The following HELZ variants were observed in gnomAD, a reference collection of about 807,000 sequenced individuals.
The protein encoded by HELZ is helicase with zinc finger.
In HELZ, 23 loss-of-function variants were observed where a neutral mutation model predicts 218.2. That is an observed-to-expected ratio of 0.11 (90% CI 0.08 to 0.15). The LOEUF is 0.15. Ranked by LOEUF, HELZ falls within the 10% of genes least tolerant of loss-of-function variation. HELZ has a pLI of 1.00. For missense variants in HELZ, 1,813 were observed against 2,353.7 expected (o/e 0.77, Z 4.75); for synonymous variants, 814 against 829.4 (o/e 0.98, Z 0.32).
At chr17:67,196,527 T>C (rs1160610785) in intron 7 of HELZ, among the ~76,000 whole-genome samples, 1 of 152,050 alleles carries the variant, frequency 6.6e-6, no homozygotes, top group Non-Finnish European at 1.5e-5. Context: ...CAGTAAATGT[T>C]GGATGAGTGG....
intron 6 of HELZ, among the ~76,000 whole-genome samples, chr17:67,202,825 A>G (rs1352901878): frequency 6.6e-6 from 1 of 152,190 alleles, no homozygotes; most frequent in Non-Finnish European, 1.5e-5. Context: ...TAATAATTAA[A>G]TATCATTTTG....
intron 3 of HELZ, among the ~76,000 whole-genome samples, chr17:67,227,696 G>A (rs963633366): frequency 6.6e-6 from 1 of 152,086 alleles, no homozygotes; most frequent in Admixed American, 6.6e-5. Flanking sequence ...ATAGCTAGAT[G>A]GTTGGTCCAG....
intron 3 of HELZ, among the ~76,000 whole-genome samples, chr17:67,220,644 C>T (rs889113217): frequency 6.6e-6 from 1 of 151,896 alleles, no homozygotes; most frequent in Non-Finnish European, 1.5e-5. Flanking sequence ...CACCATGTCC[C>T]GCTAAATCGT....
chr17:67,190,040 A>AT, intron 10 of HELZ, 117 bp downstream of exon 10: 1 of 802,778 alleles, frequency 1.2e-6, no homozygotes, highest in East Asian at 2.5e-5. Flanking sequence ...ATTCTATCAG[A>AT]ATCAAGTTCT....
At chr17:67,151,361 T>C in intron 17 of HELZ, 137 bp from the exon 18 acceptor site, 1 of 678,976 alleles carries the variant, frequency 1.5e-6, no homozygotes, top group Non-Finnish European at 2.4e-6. Context: ...GTTAGCACTC[T>C]ATTGAATTAG....
At chr17:67,185,286 G>A (rs1017877025) in intron 12 of HELZ, among the ~76,000 whole-genome samples, 9 of 152,086 alleles carry the variant, frequency 5.9e-5, no homozygotes, top group African/African-American at 2.2e-4. Context: ...ATTTTCTGCT[G>A]ACATGGACTC....
intron 28 of HELZ, among the ~76,000 whole-genome samples, chr17:67,110,911 GA>G (rs746387057): frequency 5.3e-4 from 80 of 152,330 alleles, no homozygotes; most frequent in South Asian, 2.7e-3. Flanking sequence ...GGTACTGTAA[GA>G]GGATGCAACT....
intron 32 of HELZ, among the ~76,000 whole-genome samples, chr17:67,085,873 G>GA (rs1264930700): frequency 3.3e-5 from 5 of 152,162 alleles, no homozygotes; most frequent in Non-Finnish European, 7.3e-5. Context: ...GGCTAAAGAG[G>GA]AAGACTCTAG....
intron 5 of HELZ, among the ~76,000 whole-genome samples, chr17:67,206,970 T>C (rs1189335379): frequency 6.6e-6 from 1 of 151,446 alleles, no homozygotes; most frequent in Non-Finnish European, 1.5e-5. Context: ...TGGAGTGCAG[T>C]GGTATGATAT....
At chr17:67,175,252 C>G (rs2039422538) in intron 13 of HELZ, among the ~76,000 whole-genome samples, 1 of 152,144 alleles carries the variant, frequency 6.6e-6, no homozygotes, top group Non-Finnish European at 1.5e-5. Flanking sequence ...AGAAGAAATG[C>G]AACCAGGCCT....
rs1598283756 is a variant in HELZ, at chr17:67,128,831, G to C, written c.3207C>G (p.Ala1069=). Residue 1069 remains alanine, a synonymous_variant, in exon 24 of 33, where the codon GCC becomes GCG. Transcript: ENST00000358691. ...RCRKFWERFI[A]LCHENSSLHG... ...GTAGGCTACTGTTTTCATGACACAG[G>C]GCAATAAACCGTTCCCAAAATTTCC... 2 of 1,613,794 alleles carry C rather than the reference G, an allele frequency of 1.2e-6. No homozygotes were observed. Among genetic ancestry groups the C allele is most frequent in the African/African-American group, 1.3e-5 (1 of 74,952 alleles).
chr17:67,239,574 A>G (rs1195751111), intron 2 of HELZ, 85 bp from the exon 3 acceptor site: 1 of 152,194 alleles, frequency 6.6e-6, no homozygotes, highest in African/African-American at 2.4e-5. Flanking sequence ...TTTGTATCCA[A>G]TATTCCCAGC....
chr17:67,182,762 C>G (rs1387386932), intron 12 of HELZ, among the ~76,000 whole-genome samples: 1 of 152,178 alleles, frequency 6.6e-6, no homozygotes, highest in African/African-American at 2.4e-5. Context: ...ACACAAGATA[C>G]ATTTCCCAAC....
At chr17:67,170,793 C>T (rs1209706993) in intron 13 of HELZ, among the ~76,000 whole-genome samples, 2 of 150,192 alleles carry the variant, frequency 1.3e-5, no homozygotes, top group Non-Finnish European at 3.0e-5. Context: ...CGACACCGCA[C>T]TCCAGCCTCA....
At chr17:67,245,047 G>A in intron 1 of HELZ, 101 bp downstream of exon 1, 5 of 984,314 alleles carry the variant, frequency 5.1e-6, no homozygotes, top group Non-Finnish European at 6.0e-6. Flanking sequence ...CGCCGCGCCC[G>A]GGGTCCGGGA....
chr17:67,116,771 C>T (rs1359684712), intron 27 of HELZ, among the ~76,000 whole-genome samples: 4 of 152,142 alleles, frequency 2.6e-5, no homozygotes, highest in African/African-American at 9.7e-5. Flanking sequence ...TTCAATACCC[C>T]TCCTCAGTAA....
At chr17:67,178,293 C>T (rs1006339896) in intron 13 of HELZ, among the ~76,000 whole-genome samples, 2 of 152,140 alleles carry the variant, frequency 1.3e-5, no homozygotes, top group East Asian at 1.9e-4. Context: ...TGGTCTCTTT[C>T]GGTTGTTGTA....
intron 3 of HELZ, among the ~76,000 whole-genome samples, chr17:67,235,862 A>G (rs1479268790): frequency 6.9e-6 from 1 of 145,298 alleles, no homozygotes; most frequent in Non-Finnish European, 1.5e-5. Context: ...CCGGGTTCAC[A>G]CCATTCTCCT....
At chr17:67,210,109 A>G (rs2040413084) in intron 5 of HELZ, among the ~76,000 whole-genome samples, 2 of 152,206 alleles carry the variant, frequency 1.3e-5, no homozygotes, top group South Asian at 4.1e-4. Context: ...TTGTTGTCCC[A>G]GCTACTGGGG....
Sources: gnomAD v4.1 joint callset for allele counts (sites outside exome capture counted in the v4.1 genomes callset) on GRCh38, gnomAD v4.1.1 for gene constraint, MANE v1.5 for transcripts, NCBI Gene and HGNC (gene_info 2026-07-23, HGNC 2026-07-21) for gene names.